CCAR2: variants seen among roughly 807,000 people sequenced by gnomAD.
CCAR2 encodes the protein cell cycle and apoptosis regulator 2.
In CCAR2, 21 loss-of-function variants were observed where a neutral mutation model predicts 108.1. That is an observed-to-expected ratio of 0.19 (90% CI 0.14 to 0.28). The LOEUF (loss-of-function observed/expected upper bound fraction) is 0.28, where lower values mean the gene tolerates loss of function less well. Among genes scored for constraint, CCAR2 ranks in the 10% least tolerant of loss-of-function variants. The pLI is 1.00. For synonymous variants in CCAR2, 577 were observed against 472.8 expected (o/e 1.22, Z -2.86); for missense variants, 1,126 against 1,177.0 (o/e 0.96, Z 0.63).
Position 22,616,143 on chromosome 8 carries a change from G to A in CCAR2, c.1740G>A (p.Lys580=). 2 of 1,613,986 alleles carry A rather than the reference G, an allele frequency of 1.2e-6. No individual in the cohort carries two copies. The highest frequency in any genetic ancestry group is 1.7e-6 in the Non-Finnish European group (2 of 1,179,990). Reference sequence around the variant, plus strand: ...AACCTGAGAAGGAGGAGGCGGCCAAGGAAGAAGCCACCAAGGAGGAAGAAG... The same window carrying A: ...AACCTGAGAAGGAGGAGGCGGCCAAAGAAGAAGCCACCAAGGAGGAAGAAG... ...PPEPEKEEAA[K]EEATKEEEAI... is the part of the protein sequence containing the mutation. Residue 580 remains lysine (K), a synonymous_variant, in exon 14 of 21, where the codon AAG becomes AAA. Coordinates refer to ENST00000308511, the MANE Select transcript of CCAR2 (RefSeq NM_001393997.1).
In CCAR2 at chr8:22,614,521, G is replaced by C; in HGVS notation, c.1041+18G>C. Reference sequence around the variant, plus strand: ...AGATTAAGGTAAGAGCTGGAGAGCAGGAGGAGATGCATTCACGGGTAATGT... The same window carrying C: ...AGATTAAGGTAAGAGCTGGAGAGCACGAGGAGATGCATTCACGGGTAATGT... On this transcript the variant is annotated intron_variant, in intron 10 of 20. Coordinates refer to ENST00000308511, the MANE Select transcript of CCAR2 (RefSeq NM_001393997.1). The C allele has an allele frequency of 6.3e-7, 1 of 1,598,202 alleles. No individual in the cohort carries two copies. Among genetic ancestry groups the C allele is most frequent in the Non-Finnish European group, 8.6e-7 (1 of 1,166,282 alleles).
Position 22,614,460 on chromosome 8 carries a change from C to T in CCAR2, c.998C>T (p.Ala333Val). The change falls in exon 10 of 21, where the codon GCT becomes GTT. Residue 333 changes from alanine to valine, a missense_variant. Physicochemically the swap from Ala to Val is moderately conservative, Grantham distance 64. Transcript: ENST00000308511. ...TGCATGCTCTTTGTGGATGACATGG[C>T]TGAGCCAAGGGAGACGCCAGAGCAT... ...RCCMLFVDDM[A>V]EPRETPEHPL... 1 of 1,614,180 alleles carries T rather than the reference C, an allele frequency of 6.2e-7. No homozygotes were observed. Among genetic ancestry groups the T allele is most frequent in the Non-Finnish European group, 8.5e-7 (1 of 1,180,042 alleles).
Position 22,615,392 on chromosome 8 carries a change from AAAG to A in CCAR2, c.1206-29_1206-27del, listed in dbSNP as rs542270091. 1.0e-3 allele frequency: 1,626 copies of A among 1,602,426 alleles called. 2 individuals carry two copies. The highest frequency in any genetic ancestry group is 1.3e-3 in the Non-Finnish European group (1,513 of 1,173,362). ...GTGGTGTCTGCGTGGAGTTGTCACTAAAGAAGTTAGTACCTCCTTTTGCCATGT... is the reference window on the plus strand; with the variant it reads ...GTGGTGTCTGCGTGGAGTTGTCACTAAAGTTAGTACCTCCTTTTGCCATGT... On this transcript the variant is annotated intron_variant, in intron 11 of 20. Coordinates refer to ENST00000308511, the MANE Select transcript of CCAR2 (RefSeq NM_001393997.1).
chr8:22,614,031 G>A, intron 8 of CCAR2, 61 bp from the exon 9 acceptor site: 3 of 1,478,188 alleles, frequency 2.0e-6, no homozygotes, highest in Non-Finnish European at 2.8e-6. Context: ...AATCTTTGAT[G>A]GTTTCATTTC....
In CCAR2 at chr8:22,614,380, T is replaced by A; in HGVS notation, c.928-10T>A. The A allele has an allele frequency of 6.2e-7, 1 of 1,614,046 alleles. No homozygotes were observed. Among genetic ancestry groups the A allele is most frequent in the Non-Finnish European group, 8.5e-7 (1 of 1,179,886 alleles). ...GCTGAAGGCAGCTCTGAGTGTCTCC[T>A]CCTGCACAGGTACTGCTGCTCTCTT... On this transcript the variant is annotated splice_polypyrimidine_tract_variant and intron_variant, in intron 9 of 20. Coordinates refer to ENST00000308511, the MANE Select transcript of CCAR2 (RefSeq NM_001393997.1).
chr8:22,612,455 A>G (rs1302479561), intron 7 of CCAR2, among the ~76,000 whole-genome samples: 1 of 151,236 alleles, frequency 6.6e-6, no homozygotes, highest in Admixed American at 6.6e-5. Flanking sequence ...TTTAGTAGAG[A>G]CGGGGTTTCA....
Position 22,606,684 on chromosome 8 carries a change from C to G in CCAR2, c.228C>G (p.Val76=). 2 of 1,613,932 alleles carry G rather than the reference C, an allele frequency of 1.2e-6. No individual in the cohort carries two copies. The highest frequency in any genetic ancestry group is 1.7e-6 in the Non-Finnish European group (2 of 1,179,900). ...HDYFGVVDEE[V]FFQLSVVKGR... ...ACTTTGGGGTTGTGGATGAAGAGGTCTTTTTTCAGCTAAGGTAGGCTTGAG... is the reference window on the plus strand; with the variant it reads ...ACTTTGGGGTTGTGGATGAAGAGGTGTTTTTTCAGCTAAGGTAGGCTTGAG... The change falls in exon 4 of 21, where the codon GTC becomes GTG. Residue 76 remains valine (V), a synonymous_variant. Transcript: ENST00000308511.
intron 16 of CCAR2, chr8:22,618,014 G>T (rs1418314762): frequency 1.7e-6 from 1 of 596,036 alleles, no homozygotes; most frequent in African/African-American, 1.9e-5. Context: ...AGGAGCACAG[G>T]AGCTTTTGCC....
chr8:22,621,127 A>G, downstream of CCAR2: 2 of 352,986 alleles, frequency 5.7e-6, no homozygotes, highest in Non-Finnish European at 1.0e-5. Flanking sequence ...ATGGCCTCAG[A>G]AGGGCTGCAG....
chr8:22,617,791 C>G lies in CCAR2; in HGVS notation c.2073+13C>G, dbSNP rs200331951. 3 of 1,612,536 alleles carry G rather than the reference C, an allele frequency of 1.9e-6. No individual in the cohort carries two copies. The highest frequency in any genetic ancestry group is 2.5e-6 in the Non-Finnish European group (3 of 1,179,734). ...ACTTCAGGACATGGTGAGGCCTCTT[C>G]TCGACCACTCTGGGTCTCAGTGGTG... On this transcript the variant is annotated intron_variant, in intron 16 of 20. Transcript: ENST00000308511.
intron 8 of CCAR2, 101 bp from the exon 9 acceptor site, chr8:22,613,989 TCA>T: frequency 9.7e-7 from 1 of 1,034,304 alleles, no homozygotes; most frequent in Non-Finnish European, 1.4e-6. Flanking sequence ...TCAAAAGTTC[TCA>T]GACTGAAAAA....
At chr8:22,606,456 A>G in intron 3 of CCAR2, 151 bp from the exon 4 acceptor site, 1 of 669,504 alleles carries the variant, frequency 1.5e-6, no homozygotes. Flanking sequence ...CTAATGATGG[A>G]GTATGCCCAC....
At chr8:22,604,958 C>T (rs1212362906) in intron 1 of CCAR2, 116 bp downstream of exon 1, 1 of 343,842 alleles carries the variant, frequency 2.9e-6, no homozygotes. Context: ...AGGGGCCGAG[C>T]CCCTCTTTGG....
intron 11 of CCAR2, 46 bp from the exon 12 acceptor site, chr8:22,615,379 T>C: frequency 1.9e-6 from 3 of 1,592,176 alleles, no homozygotes; most frequent in Non-Finnish European, 2.6e-6. Flanking sequence ...GGTGTCTGCG[T>C]GGAGTTGTCA....
chr8:22,613,941 G>A, intron 8 of CCAR2, 151 bp from the exon 9 acceptor site: 1 of 640,182 alleles, frequency 1.6e-6, no homozygotes, highest in Non-Finnish European at 2.7e-6. Flanking sequence ...AAATTAAGTG[G>A]TCAGATCTGA....
In CCAR2 at chr8:22,618,970, C is replaced by T. The variant is rs145568118; in HGVS notation, c.2476C>T (p.Arg826Trp). Residue 826 changes from arginine to tryptophan, a missense_variant, in exon 19 of 21, where the codon CGG becomes TGG. Transcript: ENST00000308511. ...LQRAEQQDSG[R>W]LYLENKIHTL... is the part of the protein sequence containing the mutation. ...GCGCGCGGAGCAGCAGGACAGCGGC[C>T]GGCTCTACCTAGAGAACAAGATCCA... The T allele has an allele frequency of 5.6e-6, 9 of 1,613,164 alleles. No individual in the cohort carries two copies. Among genetic ancestry groups the T allele is most frequent in the Admixed American group, 1.7e-5 (1 of 60,004 alleles).
At chr8:22,618,254 C>A in intron 16 of CCAR2, 95 bp from the exon 17 acceptor site, 1 of 1,539,360 alleles carries the variant, frequency 6.5e-7, no homozygotes, top group Non-Finnish European at 8.9e-7. Context: ...CTGCATGTGG[C>A]CCAAGCCACT....
At chr8:22,616,643 C>T in intron 14 of CCAR2, 1 of 192,586 alleles carries the variant, frequency 5.2e-6, no homozygotes, top group South Asian at 9.7e-5. Context: ...TAGTGAAACG[C>T]CGTCTCTACT....
chr8:22,616,891 TTTTTTG>T (rs1456954473), intron 14 of CCAR2, among the ~76,000 whole-genome samples: 13 of 65,898 alleles, frequency 2.0e-4, no homozygotes, highest in Non-Finnish European at 1.9e-4. Context: ...TTTTTTTTTT[TTTTTTG>T]GGGAGATGGA....
Sources: gnomAD v4.1 joint callset for allele counts (sites outside exome capture counted in the v4.1 genomes callset) on GRCh38, gnomAD v4.1.1 for gene constraint, MANE v1.5 for transcripts, NCBI Gene and HGNC (gene_info 2026-07-23, HGNC 2026-07-21) for gene names.